The following SLC12A7 variants were observed in gnomAD, a reference collection of about 807,000 sequenced individuals.
SLC12A7 encodes K-Cl cotransporter 4.
SLC12A7 carries 100 observed loss-of-function variants against 120.6 expected under a neutral mutation model. The observed-to-expected ratio is 0.83, with a 90% CI of 0.71 to 0.98. The LOEUF is 0.98. Among genes scored for constraint, SLC12A7 ranks in the 50% least tolerant of loss-of-function variants. The probability of loss-of-function intolerance (pLI) is 0.00; values close to 1 mark genes in which losing one functional copy is unlikely to be tolerated. For missense variants in SLC12A7, 1,373 were observed against 1,548.1 expected, an observed-to-expected ratio of 0.89 and a Z score of 1.90; for synonymous variants, 760 against 678.0, an observed-to-expected ratio of 1.12 and a Z score of -1.88.
the SLC12A7 span, among the ~76,000 whole-genome samples, chr5:1,117,434 C>T: frequency 6.6e-6 from 1 of 152,092 alleles, no homozygotes; most frequent in Non-Finnish European, 1.5e-5. This position sits in a 1 kb window ranked among gnomAD's most constrained non-coding sequence, Gnocchi z 4.5. Context: ...TTAAAATAAA[C>T]CTCCTTCTTG....
chr5:1,094,056 T>C (rs1740839477), intron 2 of SLC12A7, 98 bp downstream of exon 2: 3 of 878,910 alleles, frequency 3.4e-6, no homozygotes, highest in Admixed American at 4.0e-5. Context: ...TGTCCAGTCC[T>C]GTGGGAGGCC....
chr5:1,054,161 C>T (rs796764166), intron 22 of SLC12A7, among the ~76,000 whole-genome samples: 23 of 152,380 alleles, frequency 1.5e-4, no homozygotes, highest in African/African-American at 5.3e-4. Context: ...CCACCCTGCC[C>T]CTGTCTGGCC....
chr5:1,133,422 C>A, the SLC12A7 span, among the ~76,000 whole-genome samples: 1 of 152,188 alleles, frequency 6.6e-6, no homozygotes, highest in Non-Finnish European at 1.5e-5. Flanking sequence ...TCCCTGGAAA[C>A]CCTGCCCTGC....
the SLC12A7 span, among the ~76,000 whole-genome samples, chr5:1,136,863 G>A: frequency 0.26 from 33,108 of 128,358 alleles, 5,759 homozygotes; most frequent in African/African-American, 0.5. Context: ...AGCAGGACAC[G>A]CAGGCACACA....
At position 1,052,525 on chromosome 5, in the gene SLC12A7, G is replaced by A; in HGVS notation, c.3161-74C>T. 9.8e-6 allele frequency: 12 copies of A among 1,222,536 alleles called. No homozygotes were observed. The South Asian group carries it at 1.2e-4, about 13-fold the overall frequency. The allele number at this position is 1,222,536 out of a possible 1,614,324, so 75.7% of individuals were successfully genotyped here. Reference sequence around the variant, plus strand: ...TAGCTGAAATCGTGATAGGAGTGAGGTTTATCCTCTCCTGGTTAGCTAAGA... The same window carrying A: ...TAGCTGAAATCGTGATAGGAGTGAGATTTATCCTCTCCTGGTTAGCTAAGA... On this transcript the variant is annotated intron_variant, in intron 23 of 23. Transcript: ENST00000264930.
rs373181971 is a variant in SLC12A7 at position 1,052,326 on chromosome 5, T to G, written c.*34A>C. On this transcript the variant is annotated 3_prime_UTR_variant, in exon 24 of 24. Transcript: ENST00000264930. ...CCCAGGCTGCCCACGCCGTCCTCCG[T>G]GCCTGTCCCAGAGTGCCGTGATGCT... 1 of 1,580,330 alleles carries G rather than the reference T, an allele frequency of 6.3e-7. No homozygotes were observed. Among genetic ancestry groups the G allele is most frequent in the Non-Finnish European group, 8.7e-7 (1 of 1,150,630 alleles).
At chr5:1,151,637 C>T in the SLC12A7 span, among the ~76,000 whole-genome samples, 1 of 151,904 alleles carries the variant, frequency 6.6e-6, no homozygotes, top group Non-Finnish European at 1.5e-5. The surrounding 1 kb of genome is among the most constrained non-coding windows in gnomAD (Gnocchi z 6.2). Context: ...CAGAAGGGTC[C>T]GACAGGCTGA....
At chr5:1,128,802 G>A in the SLC12A7 span, among the ~76,000 whole-genome samples, 20 of 152,302 alleles carry the variant, frequency 1.3e-4, no homozygotes, top group South Asian at 1.9e-3. Flanking sequence ...GTCTCTACAC[G>A]GCTTCCAGCC....
intron 1 of SLC12A7, among the ~76,000 whole-genome samples, chr5:1,108,531 A>C (rs562930006): frequency 9.2e-5 from 14 of 152,116 alleles, no homozygotes; most frequent in African/African-American, 3.1e-4. Context: ...ACTGCCTCCC[A>C]TGTCCGTGTC....
At chr5:1,123,652 G>A in the SLC12A7 span, among the ~76,000 whole-genome samples, 1 of 152,270 alleles carries the variant, frequency 6.6e-6, no homozygotes, top group Non-Finnish European at 1.5e-5. Flanking sequence ...GGGGGCCGCG[G>A]TCAGCTTCTC....
At chr5:1,064,358 G>A (rs1736689513) in intron 18 of SLC12A7, 106 bp from the exon 19 acceptor site, 2 of 1,348,544 alleles carry the variant, frequency 1.5e-6, no homozygotes, top group Non-Finnish European at 2.0e-6. Context: ...GAGGCGAGGG[G>A]GGTCCCCACA....
chr5:1,120,392 G>T, the SLC12A7 span, among the ~76,000 whole-genome samples: 3 of 152,250 alleles, frequency 2.0e-5, no homozygotes, highest in African/African-American at 7.2e-5. Context: ...AGAGGGCAAA[G>T]ACTTGAACTA....
At position 1,074,686 on chromosome 5, in the gene SLC12A7, G is replaced by T; in HGVS notation, c.1968-15C>A. The T allele has an allele frequency of 6.2e-7, 1 of 1,610,750 alleles. No homozygotes were observed. Among genetic ancestry groups the T allele is most frequent in the Non-Finnish European group, 8.5e-7 (1 of 1,178,910 alleles). The stretch of plus-strand genomic sequence containing the variant: ...CCTTCTCGGCCCTGTGGGAAAGGAA[G>T]TCGGGGTTTGTCCAGCCGCGTACCT... On this transcript the variant is annotated splice_polypyrimidine_tract_variant and intron_variant, in intron 15 of 23. Coordinates refer to ENST00000264930, the MANE Select transcript of SLC12A7 (RefSeq NM_006598.3).
chr5:1,050,783 G>A lies in SLC12A7; in HGVS notation c.*1577C>T, dbSNP rs1228732978. The stretch of plus-strand genomic sequence containing the variant: ...AAGGCAGGCAGAGGCTGTGGGAACT[G>A]CTGAGCCCCGCTGTGATGTCTGGGA... On this transcript the variant is annotated 3_prime_UTR_variant, in exon 24 of 24. Transcript: ENST00000264930. 1 of 398,302 alleles carries A rather than the reference G, an allele frequency of 2.5e-6. No individual in the cohort carries two copies. The highest frequency in any genetic ancestry group is 2.1e-5 in the African/African-American group (1 of 48,636). 24.7% of individuals were successfully genotyped at this position (398,302 alleles called of 1,614,324 possible). A position where few individuals can be genotyped will look rare whatever the true frequency, so the allele number is the denominator to read the frequency against.
chr5:1,082,190 C>T (rs1411752257), intron 8 of SLC12A7, among the ~76,000 whole-genome samples: 36 of 139,728 alleles, frequency 2.6e-4, no homozygotes, highest in African/African-American at 8.1e-4. Flanking sequence ...CCGGGCTTCC[C>T]GTCTCGGGTT....
chr5:1,111,389 C>A (rs1742991294), intron 1 of SLC12A7, among the ~76,000 whole-genome samples: 1 of 152,084 alleles, frequency 6.6e-6, no homozygotes, highest in Non-Finnish European at 1.5e-5. Context: ...GGGGGGTGGG[C>A]GGCTCCTCCA....
At chr5:1,145,126 A>C in the SLC12A7 span, among the ~76,000 whole-genome samples, 3 of 152,164 alleles carry the variant, frequency 2.0e-5, no homozygotes, top group African/African-American at 7.2e-5. The surrounding 1 kb of genome is among the most constrained non-coding windows in gnomAD (Gnocchi z 4.4). Flanking sequence ...CCCAGGGATC[A>C]CCCCTTCTTC....
chr5:1,147,493 G>C, the SLC12A7 span, among the ~76,000 whole-genome samples: 1 of 151,802 alleles, frequency 6.6e-6, no homozygotes, highest in African/African-American at 2.4e-5. Flanking sequence ...TGTCCTCTCG[G>C]GGCCGCCTCC....
At chr5:1,138,147 G>A in the SLC12A7 span, among the ~76,000 whole-genome samples, 1 of 152,154 alleles carries the variant, frequency 6.6e-6, no homozygotes, top group Admixed American at 6.5e-5. Context: ...AACGTGGCAC[G>A]GACCCAAAGA....
Sources: gnomAD v4.1 joint callset for allele counts (sites outside exome capture counted in the v4.1 genomes callset) on GRCh38, gnomAD v4.1.1 for gene constraint, Gnocchi (gnomAD v3.1) non-coding constraint, MANE v1.5 for transcripts, NCBI Gene and HGNC (gene_info 2026-07-23, HGNC 2026-07-21) for gene names.